Variants in CLIP1 observed in about 807,000 individuals in gnomAD.
CLIP1 encodes the protein CAP-Gly domain-containing linker protein 1.
Under a neutral mutation model 161.6 loss-of-function variants are expected in CLIP1, and 66 were observed. That is an observed-to-expected ratio of 0.41 (90% CI 0.33 to 0.50). CLIP1 has a LOEUF of 0.50. CLIP1 is among the 20% of genes least tolerant of loss of function. The pLI is 0.27. For missense variants in CLIP1, 1,376 were observed against 1,702.0 expected, an observed-to-expected ratio of 0.81 and a Z score of 3.37; for synonymous variants, 598 against 626.2, an observed-to-expected ratio of 0.96 and a Z score of 0.67.
chr12:122,412,021 T>C (rs1956552073), intron 1 of CLIP1, among the ~76,000 whole-genome samples: 1 of 151,722 alleles, frequency 6.6e-6, no homozygotes, highest in Non-Finnish European at 1.5e-5. Context: ...CTGGTGTACT[T>C]AGCAGTTTTC....
At chr12:122,275,638 A>ACGCG (rs1253029144) in intron 24 of CLIP1, 1 of 94,016 alleles carries the variant, frequency 1.1e-5, no homozygotes, top group African/African-American at 5.2e-5. Context: ...ACACACACAC[A>ACGCG]CACGCGCACA....
intron 1 of CLIP1, among the ~76,000 whole-genome samples, chr12:122,389,009 C>T (rs1213115675): frequency 6.6e-6 from 1 of 152,238 alleles, no homozygotes; most frequent in Non-Finnish European, 1.5e-5. Context: ...TTCCCCTCCT[C>T]CATGTTTTCA....
At chr12:122,353,236 G>A (rs1219020928) in intron 7 of CLIP1, among the ~76,000 whole-genome samples, 1 of 152,098 alleles carries the variant, frequency 6.6e-6, no homozygotes, top group Non-Finnish European at 1.5e-5. Flanking sequence ...CAACTACTTG[G>A]GCAGCTGAGG....
intron 1 of CLIP1, among the ~76,000 whole-genome samples, chr12:122,416,653 C>T (rs1037163714): frequency 6.6e-6 from 1 of 152,118 alleles, no homozygotes; most frequent in African/African-American, 2.4e-5. Flanking sequence ...GTAATCCCAG[C>T]ACTTTGGGAA....
At chr12:122,302,015 T>C (rs545305394) in intron 20 of CLIP1, among the ~76,000 whole-genome samples, 1 of 152,206 alleles carries the variant, frequency 6.6e-6, no homozygotes, top group Non-Finnish European at 1.5e-5. Context: ...TTTTTTTGCA[T>C]TGAATGTATC....
intron 1 of CLIP1, among the ~76,000 whole-genome samples, chr12:122,397,175 G>A (rs1955945083): frequency 6.6e-6 from 1 of 151,828 alleles, no homozygotes; most frequent in South Asian, 2.1e-4. Flanking sequence ...AAGTGTGTGA[G>A]GCATGTGCCA....
intron 1 of CLIP1, among the ~76,000 whole-genome samples, chr12:122,404,915 AAC>A (rs1956274753): frequency 6.6e-6 from 1 of 150,418 alleles, no homozygotes; most frequent in Non-Finnish European, 1.5e-5. Flanking sequence ...AAAAAAACAA[AAC>A]AAAAAAAAAC....
Position 122,341,488 on chromosome 12 carries a change from A to C in CLIP1, c.1716T>G (p.Ser572=). The change falls in exon 11 of 26, where the codon TCT becomes TCG. Residue 572 remains serine, a synonymous_variant. Transcript: ENST00000620786. ...CCCGGGCTCCAAAATGCTCCTTCAG[A>C]GAAGTTATTTCTCTCTGGTGGTCAG... ...TRTDHQREIT[S]LKEHFGAREE... is the part of the protein sequence containing the mutation. 1 of 1,613,746 alleles carries C rather than the reference A, an allele frequency of 6.2e-7. No homozygotes were observed. The highest frequency in any genetic ancestry group is 1.1e-5 in the South Asian group (1 of 91,076).
chr12:122,363,987 T>C lies in CLIP1; in HGVS notation c.778A>G (p.Thr260Ala), dbSNP rs763833495. The change falls in exon 4 of 26, where the codon ACA (threonine) becomes GCA (alanine). Residue 260 changes from threonine to alanine, a missense_variant. Transcript: ENST00000620786. Reference sequence around the variant, plus strand: ...GTTGCACAACGCCAAACAAACCTTGTTCCAGCAACAGCGCCATCATTCTTC... The same window carrying C: ...GTTGCACAACGCCAAACAAACCTTGCTCCAGCAACAGCGCCATCATTCTTC... ...LGKNDGAVAG[T>A]RYFQCQPKYG... The C allele has an allele frequency of 5.0e-6, 8 of 1,613,972 alleles. No homozygotes were observed. Among genetic ancestry groups the C allele is most frequent in the Non-Finnish European group, 6.8e-6 (8 of 1,180,004 alleles).
intron 15 of CLIP1, among the ~76,000 whole-genome samples, chr12:122,329,646 T>C (rs1251708018): frequency 6.8e-6 from 1 of 147,866 alleles, no homozygotes; most frequent in Admixed American, 6.6e-5. Context: ...AAAAATTAAT[T>C]AATTAACTTA....
chr12:122,344,476 C>A lies in CLIP1; in HGVS notation c.1507-2779G>T, dbSNP rs1247515282. Among the ~76,000 whole-genome samples the A allele has an allele frequency of 5.3e-5, 8 of 151,928 alleles. No individual in the cohort carries two copies. In the East Asian group the frequency reaches 1.5e-3, roughly 29 times the overall value. On this transcript the variant is annotated intron_variant, in intron 10 of 25. Transcript: ENST00000620786. ...CACAAAACACTAATAAACCCCATTGCTGCAAGGTCTGTAGCATAAATACAT... is the reference window on the plus strand; with the variant it reads ...CACAAAACACTAATAAACCCCATTGATGCAAGGTCTGTAGCATAAATACAT...
chr12:122,418,713 C>T (rs548918794), intron 1 of CLIP1, among the ~76,000 whole-genome samples: 10 of 152,072 alleles, frequency 6.6e-5, no homozygotes, highest in Non-Finnish European at 1.2e-4. Flanking sequence ...TAGTGAACTA[C>T]GATTGTGCCA....
At chr12:122,374,433 A>C (rs1359670586) in intron 3 of CLIP1, among the ~76,000 whole-genome samples, 1 of 151,786 alleles carries the variant, frequency 6.6e-6, no homozygotes, top group Non-Finnish European at 1.5e-5. Context: ...ATCCTGGCTA[A>C]CATGGTGAAA....
At chr12:122,283,104 G>T (rs1955710350) in intron 21 of CLIP1, among the ~76,000 whole-genome samples, 1 of 152,132 alleles carries the variant, frequency 6.6e-6, no homozygotes. Context: ...TGGCTTTGGA[G>T]CCCCTTCTTT....
chr12:122,273,612 G>A (rs559421426), intron 25 of CLIP1, among the ~76,000 whole-genome samples: 8 of 152,026 alleles, frequency 5.3e-5, no homozygotes, highest in Non-Finnish European at 1.0e-4. Flanking sequence ...CCAGATTTAT[G>A]GAAATCTATT....
Position 122,377,937 on chromosome 12 carries a change from T to C in CLIP1, c.109A>G (p.Ile37Val). 1.2e-6 allele frequency: 2 copies of C among 1,609,350 alleles called. No individual in the cohort carries two copies. Among genetic ancestry groups the C allele is most frequent in the Non-Finnish European group, 1.7e-6 (2 of 1,178,656 alleles). Residue 37 changes from isoleucine (I) to valine (V), a missense_variant, in exon 3 of 26, where the codon ATA (isoleucine) becomes GTA (valine). By Grantham distance (29) the Ile-to-Val change is conservative. Coordinates refer to ENST00000620786, the MANE Select transcript of CLIP1 (RefSeq NM_001247997.2). ...TAVVAPVEKTISSEKASSTPS... is the reference protein window; with the variant it reads ...TAVVAPVEKTVSSEKASSTPS... ...GTGCTTGATGCTTTTTCACTGGATA[T>C]GGTTTTTTCTACTGGAGCTACAACT...
intron 21 of CLIP1, among the ~76,000 whole-genome samples, chr12:122,285,339 G>A (rs905346279): frequency 2.7e-5 from 4 of 148,766 alleles, no homozygotes; most frequent in African/African-American, 5.0e-5. Context: ...CAATTCTCCC[G>A]CTTCAGCCTC....
At chr12:122,303,455 A>G (rs1447643188) in intron 20 of CLIP1, among the ~76,000 whole-genome samples, 1 of 152,190 alleles carries the variant, frequency 6.6e-6, no homozygotes, top group African/African-American at 2.4e-5. Flanking sequence ...ACCCCACGTT[A>G]CAGCTAAAAG....
At chr12:122,366,353 G>A in intron 3 of CLIP1, among the ~76,000 whole-genome samples, 1 of 150,876 alleles carries the variant, frequency 6.6e-6, no homozygotes, top group Non-Finnish European at 1.5e-5. Context: ...CAGTGTGGAA[G>A]TTCACACCTA....
Sources: allele counts gnomAD v4.1 joint callset (sites outside exome capture counted in the v4.1 genomes callset), GRCh38; gene constraint gnomAD v4.1.1; transcripts MANE v1.5; gene names NCBI Gene and HGNC (gene_info 2026-07-23, HGNC 2026-07-21).